The following CD247 variants were observed in gnomAD, a reference collection of about 807,000 sequenced individuals.
The protein encoded by CD247 is CD247 molecule.
Under a neutral mutation model 30.0 loss-of-function variants are expected in CD247, and 13 were observed. That is an observed-to-expected ratio of 0.43 (90% confidence interval 0.28 to 0.69). The LOEUF is 0.69. CD247 is among the 30% of genes least tolerant of loss of function. The probability of loss-of-function intolerance (pLI) is 0.16; values close to 1 mark genes in which losing one functional copy is unlikely to be tolerated. For missense variants in CD247, 193 were observed against 212.6 expected, an observed-to-expected ratio of 0.91 and a Z score of 0.57; for synonymous variants, 72 against 80.0, an observed-to-expected ratio of 0.90 and a Z score of 0.53.
chr1:167,495,551 C>A (rs1654656791), intron 1 of CD247, among the ~76,000 whole-genome samples: 1 of 152,226 alleles, frequency 6.6e-6, no homozygotes, highest in Admixed American at 6.5e-5. Context: ...CCTTGCCCAG[C>A]TGCTAGAATG....
chr1:167,514,391 G>A (rs1571607479), intron 1 of CD247, among the ~76,000 whole-genome samples: 2 of 152,188 alleles, frequency 1.3e-5, no homozygotes, highest in African/African-American at 2.4e-5. Flanking sequence ...CACCCGTCTC[G>A]GCCTCCCAGA....
chr1:167,452,347 G>A (rs2102012183), intron 1 of CD247, among the ~76,000 whole-genome samples: 1 of 151,838 alleles, frequency 6.6e-6, no homozygotes, highest in South Asian at 2.1e-4. Flanking sequence ...CCGGGAGGCG[G>A]AGGCTGCAGT....
At chr1:167,488,163 A>AT (rs1654293565) in intron 1 of CD247, among the ~76,000 whole-genome samples, 1 of 152,256 alleles carries the variant, frequency 6.6e-6, no homozygotes, top group Non-Finnish European at 1.5e-5. Flanking sequence ...TGAGATGATA[A>AT]TATGAGCACT....
chr1:167,492,938 T>C (rs1654516283), intron 1 of CD247, among the ~76,000 whole-genome samples: 1 of 152,130 alleles, frequency 6.6e-6, no homozygotes, highest in Admixed American at 6.5e-5. Context: ...TGTATGCTTA[T>C]TGTTCTACTT....
At chr1:167,489,462 C>T (rs138029372) in intron 1 of CD247, among the ~76,000 whole-genome samples, 1 of 152,286 alleles carries the variant, frequency 6.6e-6, no homozygotes, top group African/African-American at 2.4e-5. Context: ...AGCTTTCTTT[C>T]TATTCATCTG....
chr1:167,447,868 A>AC (rs1234181863), intron 1 of CD247, among the ~76,000 whole-genome samples: 1 of 147,066 alleles, frequency 6.8e-6, no homozygotes, highest in Non-Finnish European at 1.5e-5. Flanking sequence ...TGCCAGCTCC[A>AC]CCCCCAGGCT....
intron 1 of CD247, among the ~76,000 whole-genome samples, chr1:167,499,733 C>T (rs1654828430): frequency 6.6e-6 from 1 of 152,162 alleles, no homozygotes; most frequent in Admixed American, 6.5e-5. Flanking sequence ...ACAGCCTGCC[C>T]ACATGTAACT....
chr1:167,506,038 A>G (rs1026792417), intron 1 of CD247, among the ~76,000 whole-genome samples: 9 of 152,314 alleles, frequency 5.9e-5, no homozygotes, highest in African/African-American at 2.2e-4. Context: ...TGCTTATGAC[A>G]TGGCAATTTC....
At chr1:167,478,339 C>T (rs1040750524) in intron 1 of CD247, among the ~76,000 whole-genome samples, 1 of 152,226 alleles carries the variant, frequency 6.6e-6, no homozygotes, top group Non-Finnish European at 1.5e-5. Context: ...GCCTGAGTAC[C>T]TAACATGGCA....
At chr1:167,460,774 G>A (rs1652969350) in intron 1 of CD247, among the ~76,000 whole-genome samples, 1 of 152,062 alleles carries the variant, frequency 6.6e-6, no homozygotes, top group Non-Finnish European at 1.5e-5. Flanking sequence ...GGTGTGTGAT[G>A]TTCCCCGCCC....
At chr1:167,509,490 GA>G (rs1037101966) in intron 1 of CD247, among the ~76,000 whole-genome samples, 11 of 151,022 alleles carry the variant, frequency 7.3e-5, no homozygotes, top group African/African-American at 1.9e-4. Flanking sequence ...TTCCGAGGGT[GA>G]AAAAAAAAGA....
At chr1:167,452,952 T>C (rs34997858) in intron 1 of CD247, among the ~76,000 whole-genome samples, 2,198 of 150,920 alleles carry the variant, frequency 0.015, 29 homozygotes, top group South Asian at 0.029. Context: ...TACAAACATA[T>C]ATGTATGCAT....
At chr1:167,469,868 A>C (rs766487343) in intron 1 of CD247, among the ~76,000 whole-genome samples, 19 of 150,242 alleles carry the variant, frequency 1.3e-4, no homozygotes, top group Non-Finnish European at 2.2e-4. Flanking sequence ...AATCTTACAC[A>C]CTTCTTTTGT....
chr1:167,470,872 C>CTTTTTTTTT (rs768647657), intron 1 of CD247, among the ~76,000 whole-genome samples: 3 of 134,264 alleles, frequency 2.2e-5, no homozygotes, highest in East Asian at 2.1e-4. Context: ...TTCTTTCTTT[C>CTTTTTTTTT]TTTTTTTTTT....
At chr1:167,457,980 G>A (rs56403341) in intron 1 of CD247, among the ~76,000 whole-genome samples, 20,001 of 152,058 alleles carry the variant, frequency 0.13, 1,645 homozygotes, top group African/African-American at 0.22. Context: ...AAGGAATTTC[G>A]CCCCTCACAT....
At chr1:167,505,235 A>G (rs1335713364) in intron 1 of CD247, among the ~76,000 whole-genome samples, 1 of 152,002 alleles carries the variant, frequency 6.6e-6, no homozygotes, top group Non-Finnish European at 1.5e-5. Context: ...GGCTCAAGCA[A>G]TCCTCCTGCC....
intron 1 of CD247, among the ~76,000 whole-genome samples, chr1:167,515,906 A>T (rs907196441): frequency 2.0e-5 from 3 of 152,274 alleles, no homozygotes; most frequent in African/African-American, 7.2e-5. Flanking sequence ...TCTACTATGT[A>T]TTGGACACAT....
intron 7 of CD247, 150 bp from the exon 8 acceptor site, chr1:167,431,896 C>A (rs537960078): frequency 3.0e-5 from 22 of 742,948 alleles, no homozygotes; most frequent in Non-Finnish European, 5.4e-5. Context: ...CCTGGCCCCA[C>A]GGGCAGGAGC....
At chr1:167,508,966 C>G (rs1187739540) in intron 1 of CD247, among the ~76,000 whole-genome samples, 1 of 152,178 alleles carries the variant, frequency 6.6e-6, no homozygotes, top group African/African-American at 2.4e-5. Flanking sequence ...GTTGAGCCAA[C>G]CATCTACAGG....
Sources: allele counts gnomAD v4.1 joint callset (sites outside exome capture counted in the v4.1 genomes callset), GRCh38; gene constraint gnomAD v4.1.1; transcripts MANE v1.5; gene names NCBI Gene and HGNC (gene_info 2026-07-23, HGNC 2026-07-21).